Variants in ZNF385D observed in about 807,000 individuals in gnomAD.
ZNF385D encodes the protein zinc finger protein 385D.
A neutral mutation model predicts 35.8 loss-of-function variants in ZNF385D; 15 were observed. The observed-to-expected ratio is 0.42, with a 90% confidence interval of 0.28 to 0.64. The LOEUF (loss-of-function observed/expected upper bound fraction) is 0.64, where lower values mean the gene tolerates loss of function less well. ZNF385D is among the 30% of genes least tolerant of loss of function. ZNF385D has a pLI of 0.23. For synonymous variants in ZNF385D, 212 were observed against 186.8 expected (o/e 1.13, Z -1.10); for missense variants, 474 against 494.6 (o/e 0.96, Z 0.39).
At chr3:22,210,316 A>G (rs967934017) in intron 2 of ZNF385D, among the ~76,000 whole-genome samples, 1 of 151,912 alleles carries the variant, frequency 6.6e-6, no homozygotes, top group Non-Finnish European at 1.5e-5. Flanking sequence ...AGATAGCATG[A>G]AAAAATAATA....
intron 3 of ZNF385D, among the ~76,000 whole-genome samples, chr3:21,878,392 C>T (rs935514982): frequency 3.3e-5 from 5 of 152,016 alleles, no homozygotes; most frequent in Non-Finnish European, 5.9e-5. Context: ...TCCCTACTAT[C>T]AGTTTCATGA....
At chr3:22,176,839 A>G (rs1489822584) in intron 2 of ZNF385D, among the ~76,000 whole-genome samples, 1 of 152,218 alleles carries the variant, frequency 6.6e-6, no homozygotes, top group Non-Finnish European at 1.5e-5. Flanking sequence ...CCTCGAAAAT[A>G]AAAACAACAA....
At chr3:21,436,657 A>G (rs1037035355) in intron 5 of ZNF385D, among the ~76,000 whole-genome samples, 1 of 152,148 alleles carries the variant, frequency 6.6e-6, no homozygotes, top group Non-Finnish European at 1.5e-5. Context: ...ATGCAAATGC[A>G]TGTAAATAAA....
intron 3 of ZNF385D, among the ~76,000 whole-genome samples, chr3:21,792,105 C>A (rs960442467): frequency 2.6e-5 from 4 of 152,286 alleles, no homozygotes; most frequent in Middle Eastern, 3.4e-3. Flanking sequence ...AGGGCCCAAA[C>A]TTTGGGACTT....
chr3:21,711,843 A>C (rs1437424250), intron 1 of ZNF385D, among the ~76,000 whole-genome samples: 1 of 152,140 alleles, frequency 6.6e-6, no homozygotes, highest in East Asian at 1.9e-4. Flanking sequence ...CTGGTAACCC[A>C]TTTTTCTACC....
intron 2 of ZNF385D, among the ~76,000 whole-genome samples, chr3:21,639,658 A>G (rs1292567619): frequency 6.6e-6 from 1 of 152,032 alleles, no homozygotes; most frequent in Non-Finnish European, 1.5e-5. Context: ...TTATACCACC[A>G]TGAATATTAA....
intron 3 of ZNF385D, among the ~76,000 whole-genome samples, chr3:21,856,206 T>A (rs1241486794): frequency 6.6e-6 from 1 of 152,088 alleles, no homozygotes; most frequent in African/African-American, 2.4e-5. Context: ...TCCTACTTCC[T>A]TGATCACCGG....
intron 3 of ZNF385D, among the ~76,000 whole-genome samples, chr3:21,985,579 T>C (rs1450877852): frequency 1.5e-5 from 2 of 135,950 alleles, no homozygotes; most frequent in East Asian, 2.0e-4. Context: ...CAGTATTTTA[T>C]TGAGGATTTT....
At chr3:22,082,033 A>T (rs541230052) in intron 3 of ZNF385D, among the ~76,000 whole-genome samples, 1 of 150,274 alleles carries the variant, frequency 6.7e-6, no homozygotes, top group Non-Finnish European at 1.5e-5. Context: ...TTTTTAATTA[A>T]ATAACCAATA....
intron 3 of ZNF385D, among the ~76,000 whole-genome samples, chr3:21,975,778 A>AAT (rs1396945209): frequency 3.5e-5 from 5 of 143,248 alleles, no homozygotes; most frequent in Non-Finnish European, 6.1e-5. Context: ...TATCCACAAA[A>AAT]ATATATATCT....
chr3:21,828,849 T>C (rs759597830), intron 3 of ZNF385D, among the ~76,000 whole-genome samples: 5 of 152,218 alleles, frequency 3.3e-5, no homozygotes, highest in Non-Finnish European at 7.3e-5. Flanking sequence ...ACAGCATCTA[T>C]AGACCACCTC....
At chr3:22,200,304 CAG>C (rs1287859425) in intron 2 of ZNF385D, among the ~76,000 whole-genome samples, 3 of 151,928 alleles carry the variant, frequency 2.0e-5, no homozygotes, top group African/African-American at 7.2e-5. Context: ...AGTAAAGGGA[CAG>C]AGTACAAAAG....
At chr3:21,815,352 G>A (rs957650053) in intron 3 of ZNF385D, among the ~76,000 whole-genome samples, 3 of 152,064 alleles carry the variant, frequency 2.0e-5, no homozygotes, top group Non-Finnish European at 2.9e-5. Context: ...AACTGAAGGA[G>A]ATAGAGACAC....
intron 3 of ZNF385D, among the ~76,000 whole-genome samples, chr3:22,149,035 G>T (rs1168500397): frequency 1.3e-5 from 2 of 152,110 alleles, no homozygotes; most frequent in Non-Finnish European, 2.9e-5. Context: ...CCATGGGCTG[G>T]ATGGATGCTA....
intron 3 of ZNF385D, among the ~76,000 whole-genome samples, chr3:21,868,884 G>A (rs1245692918): frequency 6.6e-6 from 1 of 152,016 alleles, no homozygotes; most frequent in Admixed American, 6.6e-5. Context: ...GACACTCGAG[G>A]CAAATTGTGC....
intron 3 of ZNF385D, among the ~76,000 whole-genome samples, chr3:22,068,611 T>A (rs1301969865): frequency 6.6e-6 from 1 of 152,186 alleles, no homozygotes; most frequent in African/African-American, 2.4e-5. Flanking sequence ...CCACACTCTG[T>A]CTATTTAGTG....
intron 4 of ZNF385D, among the ~76,000 whole-genome samples, chr3:21,480,677 G>T (rs1289645914): frequency 6.6e-6 from 1 of 152,092 alleles, no homozygotes; most frequent in African/African-American, 2.4e-5. Context: ...TCATTAGTAC[G>T]TTATTTGATT....
At chr3:21,455,369 T>C (rs1301565849) in intron 4 of ZNF385D, among the ~76,000 whole-genome samples, 4 of 152,152 alleles carry the variant, frequency 2.6e-5, no homozygotes, top group Non-Finnish European at 4.4e-5. Flanking sequence ...AACAGCATGG[T>C]ACTGGTACCA....
At chr3:22,310,766 G>T (rs996779318) in intron 2 of ZNF385D, among the ~76,000 whole-genome samples, 1 of 151,828 alleles carries the variant, frequency 6.6e-6, no homozygotes, top group East Asian at 1.9e-4. Flanking sequence ...GAACTTTTAT[G>T]ATTGATAAGC....
Sources: gnomAD v4.1 joint callset for allele counts (sites outside exome capture counted in the v4.1 genomes callset) on GRCh38, gnomAD v4.1.1 for gene constraint, MANE v1.5 for transcripts, NCBI Gene and HGNC (gene_info 2026-07-23, HGNC 2026-07-21) for gene names.